The following AKAP6 variants were observed in gnomAD, a reference collection of about 807,000 sequenced individuals.
AKAP6 encodes the protein A-kinase anchoring protein 6.
In AKAP6, 58 loss-of-function variants were observed where a neutral mutation model predicts 188.5. The observed-to-expected ratio is 0.31, with a 90% confidence interval of 0.25 to 0.38. The LOEUF is 0.38. Among genes scored for constraint, AKAP6 ranks in the 10% least tolerant of loss-of-function variants. AKAP6 has a pLI of 1.00. For missense variants in AKAP6, 2,710 were observed against 2,740.0 expected, an observed-to-expected ratio of 0.99 and a Z score of 0.24; for synonymous variants, 989 against 998.6, an observed-to-expected ratio of 0.99 and a Z score of 0.18.
intron 11 of AKAP6, among the ~76,000 whole-genome samples, chr14:32,756,446 C>T (rs1006120189): frequency 3.3e-5 from 5 of 152,064 alleles, no homozygotes; most frequent in African/African-American, 9.7e-5. Context: ...GGGTATCAGC[C>T]CAGTGCTGGA....
At chr14:32,812,407 C>G (rs907462903) in intron 12 of AKAP6, among the ~76,000 whole-genome samples, 4 of 149,740 alleles carry the variant, frequency 2.7e-5, no homozygotes, top group African/African-American at 9.9e-5. Context: ...TCATTTTAAA[C>G]AGTCCTACAT....
At chr14:32,488,904 C>T (rs1338648950) in intron 2 of AKAP6, among the ~76,000 whole-genome samples, 1 of 152,280 alleles carries the variant, frequency 6.6e-6, no homozygotes, top group African/African-American at 2.4e-5. Flanking sequence ...AGAAATCACC[C>T]GCCTTCTGCG....
chr14:32,652,077 C>A (rs1291148628), intron 7 of AKAP6, among the ~76,000 whole-genome samples: 1 of 152,090 alleles, frequency 6.6e-6, no homozygotes, highest in Non-Finnish European at 1.5e-5. Flanking sequence ...TTAGTGTCCA[C>A]CCACTTTGCA....
chr14:32,585,664 C>T (rs1401650508), intron 5 of AKAP6, among the ~76,000 whole-genome samples: 1 of 152,132 alleles, frequency 6.6e-6, no homozygotes. Flanking sequence ...AAATGACTAA[C>T]AATTTTAATC....
Position 32,823,689 on chromosome 14 carries a change from A to G in AKAP6, c.5876A>G (p.His1959Arg), listed in dbSNP as rs1280094028. Residue 1959 changes from histidine to arginine, a missense_variant, in exon 13 of 14, where the codon CAT becomes CGT. His to Arg is a conservative substitution (Grantham distance 29, BLOSUM62 0). Coordinates refer to ENST00000280979, the MANE Select transcript of AKAP6 (RefSeq NM_004274.5). The part of the protein sequence containing the change: ...GKEFVSQDVR[H>R]LPKKCPNHHH... ...GAATTTGTTTCCCAAGATGTTAGAC[A>G]TCTTCCAAAGAAATGTCCAAATCAC... is the stretch of plus-strand genomic sequence containing the variant. 2 of 1,613,866 alleles carry G rather than the reference A, an allele frequency of 1.2e-6. No homozygotes were observed. The highest frequency in any genetic ancestry group is 1.7e-5 in the Admixed American group (1 of 59,942).
At chr14:32,696,552 G>A (rs1890411687) in intron 9 of AKAP6, among the ~76,000 whole-genome samples, 1 of 152,126 alleles carries the variant, frequency 6.6e-6, no homozygotes, top group African/African-American at 2.4e-5. Flanking sequence ...CCAAAGTACA[G>A]GCCTCATCCA....
chr14:32,533,682 TG>T (rs1566560042), intron 2 of AKAP6, among the ~76,000 whole-genome samples: 2 of 152,116 alleles, frequency 1.3e-5, no homozygotes, highest in Non-Finnish European at 2.9e-5. Context: ...GCATTTATTT[TG>T]GGGTAGTGGT....
chr14:32,783,142 G>C (rs2033302701), intron 12 of AKAP6, among the ~76,000 whole-genome samples: 1 of 151,980 alleles, frequency 6.6e-6, no homozygotes, highest in Non-Finnish European at 1.5e-5. Flanking sequence ...GAAGTACAAA[G>C]GCAATTCAAT....
intron 2 of AKAP6, among the ~76,000 whole-genome samples, chr14:32,447,573 G>A (rs1566507815): frequency 1.3e-5 from 2 of 152,210 alleles, no homozygotes; most frequent in Admixed American, 6.5e-5. Context: ...ATAAGAATGA[G>A]ATGTTGGGTA....
At chr14:32,409,673 A>T (rs1394762221) in intron 1 of AKAP6, among the ~76,000 whole-genome samples, 3 of 152,222 alleles carry the variant, frequency 2.0e-5, no homozygotes, top group Non-Finnish European at 4.4e-5. Context: ...TCACATAGTA[A>T]TATGGCCTAA....
At chr14:32,553,335 T>C (rs575160477) in intron 4 of AKAP6, among the ~76,000 whole-genome samples, 3 of 152,088 alleles carry the variant, frequency 2.0e-5, no homozygotes, top group African/African-American at 7.2e-5. Flanking sequence ...CATGCCCAGC[T>C]AATTTTTGTA....
chr14:32,520,273 C>T (rs1594703402), intron 2 of AKAP6, among the ~76,000 whole-genome samples: 1 of 152,114 alleles, frequency 6.6e-6, no homozygotes, highest in East Asian at 1.9e-4. Flanking sequence ...ACCCTAACAT[C>T]ACAATTAAAA....
intron 7 of AKAP6, among the ~76,000 whole-genome samples, chr14:32,676,925 C>T (rs1358154411): frequency 6.6e-6 from 1 of 152,132 alleles, no homozygotes; most frequent in Non-Finnish European, 1.5e-5. Flanking sequence ...CTTCCTTCTC[C>T]CAGGTACAAG....
chr14:32,577,104 T>A lies in AKAP6; in HGVS notation c.2347-16T>A. On this transcript the variant is annotated splice_polypyrimidine_tract_variant and intron_variant, in intron 4 of 13. Coordinates refer to ENST00000280979, the MANE Select transcript of AKAP6 (RefSeq NM_004274.5). ...TTTCTTGCCCCTTTTTTTCCCCTTT[T>A]CTTTCCTTTCACAAGGGGTTTGTAA... The A allele has an allele frequency of 6.3e-7, 1 of 1,596,374 alleles. No individual in the cohort carries two copies. The highest frequency in any genetic ancestry group is 1.1e-5 in the South Asian group (1 of 87,052).
intron 2 of AKAP6, among the ~76,000 whole-genome samples, chr14:32,450,273 G>T (rs1161783817): frequency 1.3e-5 from 2 of 152,014 alleles, no homozygotes; most frequent in African/African-American, 4.8e-5. Flanking sequence ...TCCAAATACT[G>T]CTTGCTGATT....
intron 1 of AKAP6, among the ~76,000 whole-genome samples, chr14:32,395,757 T>A (rs764801380): frequency 1.3e-5 from 2 of 152,212 alleles, no homozygotes; most frequent in African/African-American, 4.8e-5. Context: ...CCATCCCTTA[T>A]ACCTCAGATG....
At chr14:32,710,747 T>C (rs1480643320) in intron 9 of AKAP6, among the ~76,000 whole-genome samples, 7 of 152,072 alleles carry the variant, frequency 4.6e-5, no homozygotes, top group East Asian at 1.9e-4. Flanking sequence ...CCTTGAAAGA[T>C]TGTTGTTAGG....
chr14:32,394,759 G>A (rs531414712), intron 1 of AKAP6, among the ~76,000 whole-genome samples: 161 of 152,190 alleles, frequency 1.1e-3, no homozygotes, highest in Middle Eastern at 3.4e-3. Flanking sequence ...TAGTTTTACC[G>A]TGATTTTTGG....
intron 12 of AKAP6, among the ~76,000 whole-genome samples, chr14:32,786,298 CTTT>C (rs1162974012): frequency 3.3e-4 from 27 of 82,554 alleles, no homozygotes; most frequent in African/African-American, 9.6e-4. Context: ...AAACCTTTAT[CTTT>C]TTTTTTTTTT....
Sources: gnomAD v4.1 joint callset for allele counts (sites outside exome capture counted in the v4.1 genomes callset) on GRCh38, gnomAD v4.1.1 for gene constraint, MANE v1.5 for transcripts, NCBI Gene and HGNC (gene_info 2026-07-23, HGNC 2026-07-21) for gene names.